The following RPH3AL variants were observed in gnomAD, a reference collection of about 807,000 sequenced individuals.
RPH3AL encodes rabphilin 3A like (without C2 domains).
A neutral mutation model predicts 43.1 loss-of-function variants in RPH3AL; 38 were observed. The observed-to-expected ratio is 0.88, with a 90% CI of 0.68 to 1.15. The LOEUF (loss-of-function observed/expected upper bound fraction) is 1.15, where lower values mean the gene tolerates loss of function less well. Ranked by LOEUF, RPH3AL falls within the 50% of genes most tolerant of loss-of-function variation. The pLI, the probability that RPH3AL is intolerant of heterozygous loss-of-function variation, is 0.00. For synonymous variants in RPH3AL, 189 were observed against 176.3 expected, an observed-to-expected ratio of 1.07 and a Z score of -0.57; for missense variants, 462 against 423.2, an observed-to-expected ratio of 1.09 and a Z score of -0.81.
At chr17:282,285 C>T (rs561207310) in intron 5 of RPH3AL, among the ~76,000 whole-genome samples, 3 of 152,314 alleles carry the variant, frequency 2.0e-5, no homozygotes, top group Admixed American at 6.5e-5. Flanking sequence ...GCGTATAACC[C>T]GAAACTGGCC....
intron 3 of RPH3AL, among the ~76,000 whole-genome samples, chr17:326,374 G>A (rs1470355216): frequency 6.6e-6 from 1 of 152,206 alleles, no homozygotes. Context: ...GTCCCACTTG[G>A]GAAATGCTTG....
At chr17:297,856 G>A (rs1338439422) in intron 5 of RPH3AL, among the ~76,000 whole-genome samples, 2 of 152,150 alleles carry the variant, frequency 1.3e-5, no homozygotes, top group Non-Finnish European at 2.9e-5. Flanking sequence ...GTAAGTCCCC[G>A]TTACTCCCGG....
Position 323,361 on chromosome 17 carries a change from G to C in RPH3AL, c.78-1946C>G, listed in dbSNP as rs150931584. Among the ~76,000 whole-genome samples, 5 of 152,160 alleles carry C rather than the reference G, an allele frequency of 3.3e-5. No homozygotes were observed. The highest frequency in any genetic ancestry group is 7.4e-5 in the Non-Finnish European group (5 of 68,024). On this transcript the variant is annotated intron_variant, in intron 3 of 9. Coordinates refer to ENST00000331302, the MANE Select transcript of RPH3AL (RefSeq NM_006987.4). The surrounding 1 kb of genome is among the most constrained non-coding windows in gnomAD (Gnocchi z 4.4). ...CGGGGCAGCAGGGCAGGGCTGGAAG[G>C]GGGGCAAGGCCAGTAGAGTGGGCAG...
chr17:265,968 C>T (rs2042310611), intron 6 of RPH3AL, among the ~76,000 whole-genome samples: 1 of 152,190 alleles, frequency 6.6e-6, no homozygotes, highest in African/African-American at 2.4e-5. Flanking sequence ...GGGGGCAAAG[C>T]ACAAGCAAGC....
chr17:247,889 C>G (rs1304784724), intron 6 of RPH3AL, among the ~76,000 whole-genome samples: 1 of 152,196 alleles, frequency 6.6e-6, no homozygotes, highest in East Asian at 1.9e-4. Flanking sequence ...TCCACTAGAT[C>G]TGCCAGTGAC....
chr17:258,777 T>TTTTTTTA (rs2042130961), intron 6 of RPH3AL, among the ~76,000 whole-genome samples: 1 of 142,168 alleles, frequency 7.0e-6, no homozygotes. Flanking sequence ...TTTTTTTTTT[T>TTTTTTTA]TGAGACAGGG....
chr17:331,337 C>T, intron 2 of RPH3AL: 1 of 316,340 alleles, frequency 3.2e-6, no homozygotes, highest in Non-Finnish European at 6.2e-6. Flanking sequence ...GATGTCGCCT[C>T]CAGAGCTGGG....
intron 5 of RPH3AL, among the ~76,000 whole-genome samples, chr17:304,286 TAGGTATTATTATTCCCGACTTCC>T (rs985534309): frequency 1.3e-5 from 2 of 151,082 alleles, no homozygotes; most frequent in Non-Finnish European, 2.9e-5. Context: ...GCCCCCGAGA[TAGGTATTATTATTCCCGACTTCC>T]AGGTGAGAGA....
In RPH3AL at chr17:333,479, TC is replaced by T. The variant is rs1404926441; in HGVS notation, c.-37+279del. On this transcript the variant is annotated intron_variant, in intron 2 of 9. Coordinates refer to ENST00000331302, the MANE Select transcript of RPH3AL (RefSeq NM_006987.4). The surrounding 1 kb of genome is among the most constrained non-coding windows in gnomAD (Gnocchi z 4.5). Reference sequence around the variant, plus strand: ...TGCTGGTTTCTAAATAAAATTGGGTTCTTACTATATATGCTGCTTGCTGGTT... The same window carrying T: ...TGCTGGTTTCTAAATAAAATTGGGTTTTACTATATATGCTGCTTGCTGGTT... 5.2e-6 allele frequency: 2 copies of T among 383,306 alleles called. No individual in the cohort carries two copies. Among genetic ancestry groups the T allele is most frequent in the Non-Finnish European group, 9.7e-6 (2 of 206,454 alleles). 23.7% of individuals were successfully genotyped at this position (383,306 alleles called of 1,614,324 possible). A position where few individuals can be genotyped will look rare whatever the true frequency, so the allele number is the denominator to read the frequency against.
rs879256314 is a variant in RPH3AL at position 286,937 on chromosome 17, ACC to A, written c.352-5085_352-5084del. On this transcript the variant is annotated intron_variant, in intron 5 of 9. Coordinates refer to ENST00000331302, the MANE Select transcript of RPH3AL (RefSeq NM_006987.4). The stretch of plus-strand genomic sequence containing the variant: ...CTCTCTCTCCACCGTCAGACCTCGC[ACC>A]CTCTCTCTCCACCGTCAGACCTCGC... Among the ~76,000 whole-genome samples, 26 of 65,870 alleles carry A rather than the reference ACC, an allele frequency of 3.9e-4. 1 individual carries two copies. The highest frequency in any genetic ancestry group is 1.4e-3 in the South Asian group (2 of 1,380). 43.2% of individuals were successfully genotyped at this position (65,870 alleles called of 152,430 possible).
At chr17:251,579 G>A (rs1055011549) in intron 6 of RPH3AL, among the ~76,000 whole-genome samples, 16 of 152,190 alleles carry the variant, frequency 1.1e-4, no homozygotes, top group African/African-American at 3.4e-4. Context: ...TGGCTCAGAC[G>A]TCTGTGTGGA....
rs2040914861 is a variant in RPH3AL at position 219,880 on chromosome 17, A to T, written c.614-144T>A. 6.4e-6 allele frequency: 4 copies of T among 629,656 alleles called. No homozygotes were observed. The South Asian group carries it at 7.1e-5, about 11-fold the overall frequency. 39.0% of individuals were successfully genotyped at this position (629,656 alleles called of 1,614,324 possible). ...GGCCCTTTCGCTTTGGGCAGAAGAA[A>T]TAATGGCCTGGGGATGGGAGGACAC... is the stretch of plus-strand genomic sequence containing the variant. On this transcript the variant is annotated intron_variant, in intron 7 of 9. Transcript: ENST00000331302.
In RPH3AL at chr17:289,022, G is replaced by C. The variant is rs1220512606; in HGVS notation, c.352-7168C>G. On this transcript the variant is annotated intron_variant, in intron 5 of 9. Transcript: ENST00000331302. The surrounding 1 kb of genome is among the most constrained non-coding windows in gnomAD (Gnocchi z 5.2). ...AAATGTATATTCTCTCTACCCCCAA[G>C]AACACAGGGGAGGGGGTTCCCCAGG... is the stretch of plus-strand genomic sequence containing the variant. 6.6e-6 allele frequency among the ~76,000 whole-genome samples: 1 copy of C among 152,100 alleles called. No individual in the cohort carries two copies. Among genetic ancestry groups the C allele is most frequent in the Non-Finnish European group, 1.5e-5 (1 of 68,014 alleles).
chr17:277,679 G>T (rs998570782), intron 6 of RPH3AL, among the ~76,000 whole-genome samples: 2 of 152,162 alleles, frequency 1.3e-5, no homozygotes, highest in African/African-American at 4.8e-5. Context: ...TCTTGGCCAG[G>T]TGTAGTGGCT....
chr17:313,857 C>G (rs1179215838), intron 5 of RPH3AL, among the ~76,000 whole-genome samples: 3 of 152,272 alleles, frequency 2.0e-5, no homozygotes, highest in East Asian at 1.9e-4. Context: ...CCCCAAATGC[C>G]CACCATCCAG....
intron 6 of RPH3AL, chr17:261,739 T>G (rs1555546277): frequency 6.6e-6 from 1 of 152,126 alleles, no homozygotes; most frequent in Non-Finnish European, 1.5e-5. Context: ...GAGTTTCCCT[T>G]ACACACACTC....
chr17:213,640 T>G lies in RPH3AL; in HGVS notation c.*212A>C. 1 of 596,038 alleles carries G rather than the reference T, an allele frequency of 1.7e-6. No homozygotes were observed. Among genetic ancestry groups the G allele is most frequent in the Non-Finnish European group, 3.0e-6 (1 of 332,698 alleles). 36.9% of individuals were successfully genotyped at this position (596,038 alleles called of 1,614,324 possible). ...AAATAAGGTCGGGGGCTGAGGGCAGTGGTTGGAGGGGGTGGCGGATGCAGA... is the reference window on the plus strand; with the variant it reads ...AAATAAGGTCGGGGGCTGAGGGCAGGGGTTGGAGGGGGTGGCGGATGCAGA... On this transcript the variant is annotated 3_prime_UTR_variant, in exon 10 of 10. Transcript: ENST00000331302.
chr17:294,943 G>T (rs367879529), intron 5 of RPH3AL, among the ~76,000 whole-genome samples: 1 of 62,790 alleles, frequency 1.6e-5, no homozygotes, highest in African/African-American at 7.0e-5. Context: ...AGAAATGGAT[G>T]GACAGAGGGA....
At chr17:304,093 A>G (rs76928058) in intron 5 of RPH3AL, among the ~76,000 whole-genome samples, 15 of 2,384 alleles carry the variant, frequency 6.3e-3, no homozygotes, top group South Asian at 0.25. Flanking sequence ...CAGGAAAGAG[A>G]TGGGGAGGGA....
Sources: allele counts gnomAD v4.1 joint callset (sites outside exome capture counted in the v4.1 genomes callset), GRCh38; gene constraint gnomAD v4.1.1; non-coding constraint Gnocchi (gnomAD v3.1); transcripts MANE v1.5; gene names NCBI Gene and HGNC (gene_info 2026-07-23, HGNC 2026-07-21).